Variants in CNGB1 observed in about 807,000 individuals in gnomAD.
CNGB1 encodes cyclic nucleotide-gated channel beta-1.
A neutral mutation model predicts 151.7 loss-of-function variants in CNGB1; 126 were observed. That is an observed-to-expected ratio of 0.83 (90% CI 0.72 to 0.96). The LOEUF (loss-of-function observed/expected upper bound fraction) is 0.96. Among genes scored for constraint, CNGB1 ranks in the 40% least tolerant of loss-of-function variants. The probability of loss-of-function intolerance (pLI) is 0.00; values close to 1 mark genes in which losing one functional copy is unlikely to be tolerated. For missense variants in CNGB1, 1,698 were observed against 1,627.0 expected (o/e 1.04, Z -0.75); for synonymous variants, 623 against 635.1 (o/e 0.98, Z 0.29).
At chr16:57,912,062 G>C (rs1351640687) in intron 24 of CNGB1, among the ~76,000 whole-genome samples, 187 bp from the exon 25 acceptor site, 1 of 152,170 alleles carries the variant, frequency 6.6e-6, no homozygotes, top group Non-Finnish European at 1.5e-5. Flanking sequence ...TTGGAACAGA[G>C]GTAGCAGAGC....
rs1287263774 is a variant in CNGB1, at chr16:57,960,482, C to G, written c.583G>C (p.Ala195Pro). The G allele has an allele frequency of 5.6e-6, 9 of 1,613,342 alleles. No homozygotes were observed. In the Admixed American group the frequency reaches 1.5e-4, roughly 27 times the overall value. ...AVATGAASDP[A>P]PPGRPQEMGP... is the part of the protein sequence containing the mutation. The stretch of plus-strand genomic sequence containing the variant: ...CCCTCCCGAGCTCCCCTCCCTGTAC[C>G]TGGGTCTGAGGCAGCACCTGTAGCA... The change falls in exon 9 of 33, where the codon GCG becomes CCG. Residue 195 changes from alanine to proline, a missense_variant and splice_region_variant. Transcript: ENST00000251102.
At chr16:57,938,056 T>C (rs1368865759) in intron 16 of CNGB1, among the ~76,000 whole-genome samples, 1 of 152,198 alleles carries the variant, frequency 6.6e-6, no homozygotes, top group African/African-American at 2.4e-5. Context: ...GCGGCCCAAG[T>C]TACTCATTTC....
At chr16:57,954,694 C>T in intron 12 of CNGB1, 1 of 985,378 alleles carries the variant, frequency 1.0e-6, no homozygotes, top group Non-Finnish European at 1.2e-6. Flanking sequence ...CTCATTTACA[C>T]TCTTTTAATG....
chr16:57,960,629 C>A, intron 8 of CNGB1, 99 bp from the exon 9 acceptor site: 1 of 1,500,604 alleles, frequency 6.7e-7, no homozygotes, highest in Non-Finnish European at 9.1e-7. Flanking sequence ...GGCGGGTGAG[C>A]CGGGGATGGG....
chr16:57,941,196 T>G (rs1961658951), intron 14 of CNGB1, among the ~76,000 whole-genome samples: 1 of 152,174 alleles, frequency 6.6e-6, no homozygotes, highest in Non-Finnish European at 1.5e-5. Flanking sequence ...GACCTCTGGG[T>G]TAAAATGATG....
In CNGB1 at chr16:57,960,882, C is replaced by G. The variant is rs746904074; in HGVS notation, c.492G>C (p.Gln164His). The change falls in exon 8 of 33, where the codon CAG (glutamine) becomes CAC (histidine). Residue 164 changes from glutamine to histidine, a missense_variant. Transcript: ENST00000251102. ...PGLRLLLWLE[Q>H]NLERVLPQPP... ...GCTGAGGAAGCACTCTTTCCAGATTCTGCTCCAGCCACAGAAGCAGCCGCA... is the reference window on the plus strand; with the variant it reads ...GCTGAGGAAGCACTCTTTCCAGATTGTGCTCCAGCCACAGAAGCAGCCGCA... The G allele has an allele frequency of 2.5e-6, 4 of 1,614,106 alleles. No individual in the cohort carries two copies. The highest frequency in any genetic ancestry group is 3.4e-6 in the Non-Finnish European group (4 of 1,180,006).
At position 57,958,397 on chromosome 16, in the gene CNGB1, G is replaced by A. The variant is rs373362711; in HGVS notation, c.837+13C>T. Reference sequence around the variant, plus strand: ...CACCACCAGGGCCACCACTCCATGAGCCCAGCACTGACCTGTTCCCCTATT... The same window carrying A: ...CACCACCAGGGCCACCACTCCATGAACCCAGCACTGACCTGTTCCCCTATT... On this transcript the variant is annotated intron_variant, in intron 11 of 32. Coordinates refer to ENST00000251102, the MANE Select transcript of CNGB1 (RefSeq NM_001297.5). The A allele has an allele frequency of 1.3e-6, 2 of 1,536,608 alleles. No individual in the cohort carries two copies. The highest frequency in any genetic ancestry group is 4.2e-5 in the African/African-American group (2 of 48,158).
chr16:57,925,767 A>C (rs1228335573), intron 17 of CNGB1, among the ~76,000 whole-genome samples: 2 of 151,982 alleles, frequency 1.3e-5, no homozygotes. Flanking sequence ...AGCTCACTGC[A>C]ACCTCTGCCT....
At chr16:57,948,296 C>T (rs1043908267) in intron 14 of CNGB1, among the ~76,000 whole-genome samples, 1 of 148,528 alleles carries the variant, frequency 6.7e-6, no homozygotes, top group Non-Finnish European at 1.5e-5. Context: ...TTGAGGCAGT[C>T]CTTCTTTCTT....
chr16:57,907,197 C>A lies in CNGB1; in HGVS notation c.2493-2322G>T, dbSNP rs77467324. Among the ~76,000 whole-genome samples, 758 of 152,280 alleles carry A rather than the reference C, an allele frequency of 5.0e-3. 4 individuals carry two copies. The highest frequency in any genetic ancestry group is 0.017 in the African/African-American group (719 of 41,560). On this transcript the variant is annotated intron_variant, in intron 25 of 32. Coordinates refer to ENST00000251102, the MANE Select transcript of CNGB1 (RefSeq NM_001297.5). ...GCAGAAGGAGGTCCCAGATAGCTGT[C>A]CCCCTGCCCCACCCCTGCCCTGCTC...
chr16:57,906,284 A>G (rs8045584), intron 25 of CNGB1, among the ~76,000 whole-genome samples: 24,499 of 152,248 alleles, frequency 0.16, 2,365 homozygotes, highest in South Asian at 0.26. Flanking sequence ...AAGACCATGA[A>G]GACAAAATGA....
At chr16:57,950,055 C>A (rs1405715548) in intron 13 of CNGB1, among the ~76,000 whole-genome samples, 8 of 152,096 alleles carry the variant, frequency 5.3e-5, no homozygotes, top group African/African-American at 1.9e-4. Flanking sequence ...ATGAAGATGC[C>A]CTCTATATCC....
chr16:57,963,206 A>G, intron 4 of CNGB1, 142 bp from the exon 5 acceptor site: 1 of 778,474 alleles, frequency 1.3e-6, no homozygotes, highest in Non-Finnish European at 2.3e-6. Context: ...GAAAGTACCT[A>G]CATGTACCAC....
intron 25 of CNGB1, among the ~76,000 whole-genome samples, chr16:57,908,572 C>G (rs117600154): frequency 6.6e-6 from 1 of 152,392 alleles, no homozygotes; most frequent in East Asian, 1.9e-4. Flanking sequence ...ACTCCTGTCA[C>G]TTCTTTAGGG....
At chr16:57,932,009 G>T (rs968460303) in intron 16 of CNGB1, 131 bp from the exon 17 acceptor site, 13 of 1,006,414 alleles carry the variant, frequency 1.3e-5, no homozygotes, top group Non-Finnish European at 1.8e-5. Context: ...CTTCCCAATG[G>T]GGCACACAGA....
chr16:57,907,268 G>A (rs1456989080), intron 25 of CNGB1, among the ~76,000 whole-genome samples: 1 of 152,220 alleles, frequency 6.6e-6, no homozygotes, highest in Non-Finnish European at 1.5e-5. Flanking sequence ...GATGTGCCAG[G>A]CTTAGCCCCA....
chr16:57,914,883 C>T (rs755009610), intron 23 of CNGB1, among the ~76,000 whole-genome samples: 19 of 152,152 alleles, frequency 1.2e-4, no homozygotes, highest in Non-Finnish European at 2.5e-4. Context: ...GCAGAAGATC[C>T]CCTCTTGAGA....
intron 3 of CNGB1, 87 bp from the exon 4 acceptor site, chr16:57,964,289 G>A: frequency 6.8e-7 from 1 of 1,472,310 alleles, no homozygotes; most frequent in Non-Finnish European, 9.5e-7. Context: ...CAGGGGAGAG[G>A]AGAGAGACCC....
intron 17 of CNGB1, among the ~76,000 whole-genome samples, chr16:57,923,733 C>T (rs1213971465): frequency 1.3e-5 from 2 of 152,196 alleles, no homozygotes; most frequent in African/African-American, 4.8e-5. Context: ...ATTAAATCTA[C>T]TCAAGTAAAT....
Sources: allele counts gnomAD v4.1 joint callset (sites outside exome capture counted in the v4.1 genomes callset), GRCh38; gene constraint gnomAD v4.1.1; transcripts MANE v1.5; gene names NCBI Gene and HGNC (gene_info 2026-07-23, HGNC 2026-07-21).